Variants in NLRP11 observed in about 807,000 individuals in gnomAD.
The protein encoded by NLRP11 is NLR family pyrin domain containing 11, also known as NACHT, LRR and PYD domains-containing protein 11.
A neutral mutation model predicts 79.3 loss-of-function variants in NLRP11; 53 were observed. The ratio of observed to expected loss-of-function variants is 0.67; its 90% CI spans 0.54 to 0.84. The LOEUF is 0.84. Ranked by LOEUF, NLRP11 falls within the 40% of genes least tolerant of loss-of-function variation. The pLI is 0.00. For synonymous variants in NLRP11, 518 were observed against 462.6 expected (o/e 1.12, Z -1.54); for missense variants, 1,264 against 1,255.0 (o/e 1.01, Z -0.11).
chr19:55,829,200 ATTT>A (rs59415251), intron 1 of NLRP11, among the ~76,000 whole-genome samples: 45 of 147,922 alleles, frequency 3.0e-4, no homozygotes, highest in African/African-American at 6.1e-4. Flanking sequence ...ACAATATTGC[ATTT>A]TTTTTTTTTT....
chr19:55,809,435 C>T lies in NLRP11; in HGVS notation c.1175G>A (p.Gly392Asp). 1.2e-6 allele frequency: 2 copies of T among 1,614,122 alleles called. No individual in the cohort carries two copies. The highest frequency in any genetic ancestry group is 2.2e-5 in the East Asian group (1 of 44,872). The change falls in exon 3 of 10, where the codon GGT (glycine) becomes GAT (aspartate). Residue 392 changes from glycine to aspartate, a missense_variant. Transcript: ENST00000589093. The surrounding 1 kb of genome is among the most constrained non-coding windows in gnomAD (Gnocchi z 4.5). ...CAGCAAACACAGACGTTTTAGGAGA[C>T]CTAGGTGATACTGATTGGCAGTAAG...
At position 55,809,205 on chromosome 19, in the gene NLRP11, A is replaced by C. The variant is rs114531512; in HGVS notation, c.1405T>G (p.Tyr469Asp). Residue 469 changes from tyrosine to aspartate, a missense_variant, in exon 3 of 10, where the codon TAT becomes GAT. Coordinates refer to ENST00000589093, the Ensembl canonical transcript of NLRP11. This position sits in a 1 kb window ranked among gnomAD's most constrained non-coding sequence, Gnocchi z 4.5. ...TCTCTGCTGCCTGAGGGGATCAGAT[A>C]GTTGGGTACTGCCATCAGAAATGCA... 6.2e-7 allele frequency: 1 copy of C among 1,613,710 alleles called. No individual in the cohort carries two copies. Among genetic ancestry groups the C allele is most frequent in the African/African-American group, 1.3e-5 (1 of 74,940 alleles).
intron 2 of NLRP11, among the ~76,000 whole-genome samples, chr19:55,813,617 G>T (rs1980814410): frequency 6.6e-6 from 1 of 152,192 alleles, no homozygotes; most frequent in Admixed American, 6.5e-5. Context: ...TTAAATATCT[G>T]CAATTTGGAG....
chr19:55,822,406 G>A (rs1168137035), intron 1 of NLRP11, among the ~76,000 whole-genome samples: 1 of 152,242 alleles, frequency 6.6e-6, no homozygotes, highest in Non-Finnish European at 1.5e-5. Context: ...ACTGCAGGGA[G>A]GAGCCAAGAT....
chr19:55,787,423 G>A (rs1449362725), intron 9 of NLRP11, among the ~76,000 whole-genome samples: 2 of 152,052 alleles, frequency 1.3e-5, no homozygotes, highest in Non-Finnish European at 2.9e-5. Context: ...TGCAAACTCC[G>A]CCTCCCAGGT....
chr19:55,795,976 C>T (rs1600177261), intron 6 of NLRP11, 104 bp downstream of exon 6: 3 of 1,036,692 alleles, frequency 2.9e-6, no homozygotes, highest in Non-Finnish European at 4.3e-6. Context: ...CTTTCGGCTG[C>T]TTTGCTTTGC....
exon 5 of NLRP11, chr19:55,801,647 G>A (rs150204832): frequency 1.2e-5 from 19 of 1,613,536 alleles, no homozygotes; most frequent in Admixed American, 1.0e-4. Flanking sequence ...GGAAATGGAC[G>A]TACAGTTGAT....
intron 9 of NLRP11, among the ~76,000 whole-genome samples, chr19:55,786,259 C>T (rs1989873600): frequency 6.6e-6 from 1 of 152,188 alleles, no homozygotes; most frequent in Admixed American, 6.5e-5. Context: ...GCAGTCCAGT[C>T]CCACGTCTAA....
chr19:55,801,474 G>A (rs1040337573), intron 5 of NLRP11, 98 bp downstream of exon 5: 1 of 870,996 alleles, frequency 1.1e-6, no homozygotes, highest in Non-Finnish European at 1.8e-6. Flanking sequence ...GACATCAAAA[G>A]GTAGGAGCAG....
At chr19:55,822,371 G>T (rs1057041535) in intron 1 of NLRP11, among the ~76,000 whole-genome samples, 1 of 152,194 alleles carries the variant, frequency 6.6e-6, no homozygotes, top group African/African-American at 2.4e-5. Flanking sequence ...AAAAATTTTA[G>T]AACTGAGGCT....
intron 6 of NLRP11, among the ~76,000 whole-genome samples, chr19:55,794,024 T>A (rs1978557538): frequency 6.6e-6 from 1 of 152,204 alleles, no homozygotes; most frequent in Non-Finnish European, 1.5e-5. Context: ...TTCTTAGGCT[T>A]AGAAATTCCT....
intron 5 of NLRP11, among the ~76,000 whole-genome samples, chr19:55,797,111 A>G (rs1000561): frequency 0.96 from 145,438 of 152,142 alleles, 69,590 homozygotes; most frequent in Non-Finnish European, 0.98. Flanking sequence ...GATTTTCCCC[A>G]TGGGACCCTA....
chr19:55,807,789 G>C, intron 4 of NLRP11, 64 bp downstream of exon 4: 1 of 1,138,024 alleles, frequency 8.8e-7, no homozygotes. Context: ...TTCTCCCAGA[G>C]AAAGAAAAAG....
At chr19:55,804,676 T>C (rs1444765020) in intron 4 of NLRP11, among the ~76,000 whole-genome samples, 1 of 152,174 alleles carries the variant, frequency 6.6e-6, no homozygotes, top group African/African-American at 2.4e-5. Flanking sequence ...TACAGTCTTA[T>C]AGTCTATATA....
intron 3 of NLRP11, among the ~76,000 whole-genome samples, chr19:55,808,246 C>A (rs538968395): frequency 2.0e-5 from 3 of 152,012 alleles, no homozygotes; most frequent in South Asian, 2.1e-4. Context: ...CCTTTAAATG[C>A]GAGATTATTA....
chr19:55,806,959 A>G (rs1309396353), intron 4 of NLRP11, among the ~76,000 whole-genome samples: 1 of 152,010 alleles, frequency 6.6e-6, no homozygotes, highest in South Asian at 2.1e-4. Flanking sequence ...ACTTATTACT[A>G]CAGCCTGTAC....
intron 7 of NLRP11, among the ~76,000 whole-genome samples, chr19:55,789,934 C>T (rs1322718559): frequency 1.3e-5 from 2 of 152,156 alleles, no homozygotes; most frequent in African/African-American, 4.8e-5. Flanking sequence ...TCACGTCTCC[C>T]CCATTATCTA....
intron 1 of NLRP11, among the ~76,000 whole-genome samples, chr19:55,830,632 T>A (rs1982665512): frequency 6.7e-6 from 1 of 150,200 alleles, no homozygotes; most frequent in East Asian, 2.0e-4. Context: ...GTTGAGTGTG[T>A]GTTAAAAGCT....
intron 4 of NLRP11, among the ~76,000 whole-genome samples, chr19:55,803,613 A>G (rs991981864): frequency 5.9e-5 from 9 of 152,212 alleles, no homozygotes; most frequent in African/African-American, 2.2e-4. Context: ...TACAAGAAAA[A>G]GATAACCTCA....
Sources: gnomAD v4.1 joint callset for allele counts (sites outside exome capture counted in the v4.1 genomes callset) on GRCh38, gnomAD v4.1.1 for gene constraint, Gnocchi (gnomAD v3.1) non-coding constraint, MANE v1.5 for transcripts, NCBI Gene and HGNC (gene_info 2026-07-23, HGNC 2026-07-21) for gene names.